Variants in FHIT observed in about 807,000 individuals in gnomAD.
FHIT encodes fragile histidine triad diadenosine triphosphatase, also known as bis(5'-adenosyl)-triphosphatase.
Under a neutral mutation model 17.9 loss-of-function variants are expected in FHIT, and 19 were observed. The observed-to-expected ratio is 1.06, with a 90% confidence interval of 0.74 to 1.56. The LOEUF (loss-of-function observed/expected upper bound fraction) is 1.56. Among genes scored for constraint, FHIT ranks in the 40% most tolerant of loss-of-function variants. The probability of loss-of-function intolerance (pLI) is 0.00; values close to 1 mark genes in which losing one functional copy is unlikely to be tolerated. For synonymous variants in FHIT, 81 were observed against 69.7 expected (o/e 1.16, Z -0.81); for missense variants, 248 against 189.2 (o/e 1.31, Z -1.82).
At chr3:59,829,361 T>C (rs1161078771) in intron 8 of FHIT, among the ~76,000 whole-genome samples, 3 of 152,216 alleles carry the variant, frequency 2.0e-5, no homozygotes, top group East Asian at 3.9e-4. Flanking sequence ...TCAGTGTTCA[T>C]GGGCCTCTAT....
chr3:60,032,703 T>G (rs746831688), intron 5 of FHIT, among the ~76,000 whole-genome samples: 13 of 152,176 alleles, frequency 8.5e-5, no homozygotes, highest in Non-Finnish European at 1.8e-4. Flanking sequence ...CACATAATAC[T>G]ACTACTACAA....
chr3:60,138,446 C>G (rs1699905602), intron 5 of FHIT, among the ~76,000 whole-genome samples: 2 of 152,162 alleles, frequency 1.3e-5, no homozygotes, highest in African/African-American at 4.8e-5. Flanking sequence ...AATGATGCTT[C>G]CTGTAGACAG....
intron 8 of FHIT, among the ~76,000 whole-genome samples, chr3:59,872,818 C>T (rs1197095388): frequency 2.0e-5 from 3 of 152,146 alleles, no homozygotes; most frequent in Non-Finnish European, 4.4e-5. Flanking sequence ...ACCTGTCTTC[C>T]CTGGGCTCCA....
At chr3:60,694,902 C>T (rs140939863) in intron 4 of FHIT, among the ~76,000 whole-genome samples, 7,007 of 151,284 alleles carry the variant, frequency 0.046, 251 homozygotes, top group Non-Finnish European at 0.071. Flanking sequence ...CATCACACAC[C>T]GGGGCCTGTT....
chr3:60,890,399 C>G (rs1462133867), intron 3 of FHIT, among the ~76,000 whole-genome samples: 1 of 152,140 alleles, frequency 6.6e-6, no homozygotes. Context: ...CAGCCTACAC[C>G]AAATGGAGCG....
intron 4 of FHIT, among the ~76,000 whole-genome samples, chr3:60,612,969 T>TCA (rs59601310): frequency 6.6e-6 from 1 of 151,988 alleles, no homozygotes; most frequent in Admixed American, 6.6e-5. Flanking sequence ...TGACTTTGAC[T>TCA]GTTACCCTGA....
chr3:60,431,116 CAGA>C (rs1280908682), intron 5 of FHIT, among the ~76,000 whole-genome samples: 1 of 151,568 alleles, frequency 6.6e-6, no homozygotes, highest in Non-Finnish European at 1.5e-5. Flanking sequence ...GGAGCTGAGA[CAGA>C]AGAATAGCTT....
chr3:60,565,322 T>C (rs879919287), intron 4 of FHIT, among the ~76,000 whole-genome samples: 5 of 152,138 alleles, frequency 3.3e-5, no homozygotes, highest in Non-Finnish European at 7.4e-5. Flanking sequence ...CTACGAGGCA[T>C]GGAGGTGGGC....
At chr3:59,753,023 C>T (rs1683355) in intron 8 of FHIT, among the ~76,000 whole-genome samples, 132,514 of 152,176 alleles carry the variant, frequency 0.87, 57,961 homozygotes, top group East Asian at 0.99. Context: ...TTATGTTTAA[C>T]AGGCATCATT....
chr3:61,106,911 G>A (rs1189004839), intron 2 of FHIT, among the ~76,000 whole-genome samples: 1 of 152,010 alleles, frequency 6.6e-6, no homozygotes, highest in Admixed American at 6.6e-5. Context: ...TGCCCACCTC[G>A]GCCTCCCAAA....
At chr3:59,821,425 A>G (rs757894258) in intron 8 of FHIT, among the ~76,000 whole-genome samples, 1 of 152,174 alleles carries the variant, frequency 6.6e-6, no homozygotes, top group Non-Finnish European at 1.5e-5. Context: ...AACACTCCAC[A>G]CCCATTATCT....
At chr3:60,795,121 CT>C (rs1553729835) in intron 4 of FHIT, among the ~76,000 whole-genome samples, 2 of 152,084 alleles carry the variant, frequency 1.3e-5, no homozygotes, top group Non-Finnish European at 2.9e-5. Flanking sequence ...TTTTTTTTCA[CT>C]TCATGTGTTT....
rs535231713 is a variant in FHIT, at chr3:59,992,959, G to A, written c.279+18412C>T. Among the ~76,000 whole-genome samples the A allele has an allele frequency of 2.0e-5, 3 of 152,112 alleles. No homozygotes were observed. The East Asian group carries it at 5.8e-4, about 30-fold the overall frequency. ...TATTTTTCTTTAAACAATGGATTTA[G>A]TTATTCTACCCGTAAGAAGTCCAGG... On this transcript the variant is annotated intron_variant, in intron 7 of 9. Coordinates refer to ENST00000492590, the MANE Select transcript of FHIT (RefSeq NM_002012.4).
intron 7 of FHIT, among the ~76,000 whole-genome samples, chr3:60,008,974 C>T (rs1029425157): frequency 7.9e-5 from 12 of 152,144 alleles, no homozygotes; most frequent in Admixed American, 7.2e-4. Flanking sequence ...GCCCCAGTCA[C>T]AGTATTCTAA....
chr3:60,548,829 C>T (rs1273956205), intron 4 of FHIT, among the ~76,000 whole-genome samples: 3 of 152,136 alleles, frequency 2.0e-5, no homozygotes, highest in African/African-American at 7.2e-5. Flanking sequence ...AGAACTTTCT[C>T]AAAAAACAAA....
chr3:60,393,154 C>T (rs549585426), intron 5 of FHIT, among the ~76,000 whole-genome samples: 175 of 152,104 alleles, frequency 1.2e-3, no homozygotes, highest in Middle Eastern at 6.8e-3. Flanking sequence ...CATTTTTCTT[C>T]AGTTAATAAT....
In FHIT at chr3:60,472,742, T is replaced by A. The variant is rs190248600; in HGVS notation, c.103+64118A>T. On this transcript the variant is annotated intron_variant, in intron 5 of 9. Coordinates refer to ENST00000492590, the MANE Select transcript of FHIT (RefSeq NM_002012.4). ...GGTTTCTCATAGAGAAAATAAAAAT[T>A]GTTTTTAATCCTTAAAGAACTTCTG... 3.5e-4 allele frequency among the ~76,000 whole-genome samples: 54 copies of A among 152,276 alleles called. No individual in the cohort carries two copies. In the East Asian group the frequency reaches 9.1e-3, roughly 26 times the overall value.
intron 4 of FHIT, among the ~76,000 whole-genome samples, chr3:60,801,973 A>G (rs543607746): frequency 6.6e-6 from 1 of 152,376 alleles, no homozygotes; most frequent in South Asian, 2.1e-4. Flanking sequence ...CCTTCAATTC[A>G]CATAATCATT....
At chr3:60,413,796 A>T (rs939632049) in intron 5 of FHIT, among the ~76,000 whole-genome samples, 1 of 152,206 alleles carries the variant, frequency 6.6e-6, no homozygotes, top group Non-Finnish European at 1.5e-5. Context: ...AGATCAGAAG[A>T]AACATAACCT....
Sources: allele counts gnomAD v4.1 joint callset (sites outside exome capture counted in the v4.1 genomes callset), GRCh38; gene constraint gnomAD v4.1.1; transcripts MANE v1.5; gene names NCBI Gene and HGNC (gene_info 2026-07-23, HGNC 2026-07-21).